The following GSDMC variants were observed in gnomAD, a reference collection of about 807,000 sequenced individuals.
GSDMC encodes the protein gasdermin C.
Under a neutral mutation model 58.0 loss-of-function variants are expected in GSDMC, and 59 were observed. The ratio of observed to expected loss-of-function variants is 1.02; its 90% CI spans 0.82 to 1.26. The LOEUF (loss-of-function observed/expected upper bound fraction) is 1.26. Among genes scored for constraint, GSDMC ranks in the 50% most tolerant of loss-of-function variants. The pLI is 0.00. For synonymous variants in GSDMC, 241 were observed against 220.2 expected (o/e 1.09, Z -0.83); for missense variants, 659 against 598.5 (o/e 1.10, Z -1.06).
At chr8:129,729,519 T>C in the GSDMC span, among the ~76,000 whole-genome samples, 1 of 152,134 alleles carries the variant, frequency 6.6e-6, no homozygotes, top group Admixed American at 6.5e-5. Flanking sequence ...GTCCAGGTGT[T>C]CTCATTGTTC....
At chr8:129,781,299 A>G (rs2034400180) in intron 1 of GSDMC, among the ~76,000 whole-genome samples, 2 of 152,216 alleles carry the variant, frequency 1.3e-5, no homozygotes, top group African/African-American at 4.8e-5. Flanking sequence ...CACTTCTCCT[A>G]TAAAGATAAA....
chr8:129,743,718 A>C (rs1293938273), downstream of GSDMC, among the ~76,000 whole-genome samples: 1 of 152,202 alleles, frequency 6.6e-6, no homozygotes, highest in Non-Finnish European at 1.5e-5. Context: ...GCAACTAGTT[A>C]TATGCAGATC....
At chr8:129,721,024 G>A in the GSDMC span, among the ~76,000 whole-genome samples, 9 of 152,130 alleles carry the variant, frequency 5.9e-5, no homozygotes, top group Non-Finnish European at 2.9e-5. Context: ...AAGAGTAATG[G>A]ATCCCAGGGG....
chr8:129,721,883 C>T, the GSDMC span, among the ~76,000 whole-genome samples: 1 of 152,158 alleles, frequency 6.6e-6, no homozygotes. Flanking sequence ...ATGTTTTCTC[C>T]TTGGCCAGAC....
At chr8:129,780,678 T>C (rs146084594) in intron 1 of GSDMC, among the ~76,000 whole-genome samples, 2 of 152,154 alleles carry the variant, frequency 1.3e-5, no homozygotes, top group Admixed American at 6.5e-5. Flanking sequence ...ATGATGTTAA[T>C]GAGCAAGAAG....
the GSDMC span, among the ~76,000 whole-genome samples, chr8:129,736,077 A>G: frequency 6.6e-6 from 1 of 152,078 alleles, no homozygotes; most frequent in Admixed American, 6.6e-5. Flanking sequence ...AAATTCCTGG[A>G]CACACACATG....
intron 10 of GSDMC, among the ~76,000 whole-genome samples, chr8:129,751,167 C>A (rs1005093963): frequency 7.9e-5 from 12 of 152,040 alleles, no homozygotes; most frequent in African/African-American, 2.9e-4. Flanking sequence ...TATAAGCTAC[C>A]CTTATTATCA....
At chr8:129,732,274 C>A in the GSDMC span, among the ~76,000 whole-genome samples, 572 of 145,732 alleles carry the variant, frequency 3.9e-3, 4 homozygotes, top group African/African-American at 0.014. Flanking sequence ...AAATATATTT[C>A]TGTTCTTTAT....
chr8:129,749,762 T>C (rs1343117043), intron 12 of GSDMC, among the ~76,000 whole-genome samples: 2 of 152,122 alleles, frequency 1.3e-5, no homozygotes, highest in Non-Finnish European at 2.9e-5. Context: ...CCACCTCCAA[T>C]GATTTGTGGA....
chr8:129,728,794 C>T, the GSDMC span: 1 of 535,794 alleles, frequency 1.9e-6, no homozygotes, highest in Non-Finnish European at 3.5e-6. Context: ...TCTGGTCCCA[C>T]AGGGGCCGTT....
In GSDMC at chr8:129,776,179, GGCCTCC is replaced by G; in HGVS notation, c.321_326del (p.Glu108_Ala109del). On this transcript the variant is annotated inframe_deletion, in exon 3 of 14. Transcript: ENST00000276708. The stretch of plus-strand genomic sequence containing the variant: ...CGAGGGAGCATCCATGGTCCACAGA[GGCCTCC>G]CCTGACACACTCACTTCTATACCAA... 6.2e-7 allele frequency: 1 copy of G among 1,613,838 alleles called. No homozygotes were observed. Among genetic ancestry groups the G allele is most frequent in the Admixed American group, 1.7e-5 (1 of 60,006 alleles).
Position 129,748,465 on chromosome 8 carries a change from C to T in GSDMC, c.*36G>A. On this transcript the variant is annotated 3_prime_UTR_variant, in exon 14 of 14. Transcript: ENST00000276708. ...ACTCACAGCATAGACTGGGCGAGGG[C>T]CAGCATCTCTGGACTGACTGCCCAT... is the stretch of plus-strand genomic sequence containing the variant. 1 of 1,564,336 alleles carries T rather than the reference C, an allele frequency of 6.4e-7. No homozygotes were observed. The highest frequency in any genetic ancestry group is 8.6e-7 in the Non-Finnish European group (1 of 1,157,648).
the GSDMC span, among the ~76,000 whole-genome samples, chr8:129,708,717 A>G: frequency 6.6e-6 from 1 of 152,264 alleles, no homozygotes; most frequent in South Asian, 2.1e-4. Flanking sequence ...ACTTTATTCA[A>G]GCCTTGCCAG....
chr8:129,750,690 A>C, intron 10 of GSDMC, 120 bp from the exon 11 acceptor site: 2 of 957,812 alleles, frequency 2.1e-6, no homozygotes, highest in Non-Finnish European at 3.2e-6. Context: ...TTCAGCTGCT[A>C]ACCAAAATTG....
rs780835315 is a variant in GSDMC, at chr8:129,748,483, C to A, written c.*18G>T. ...GCGAGGGCCAGCATCTCTGGACTGACTGCCCATCAGGGAGGGCTTAGGCCT... is the reference window on the plus strand; with the variant it reads ...GCGAGGGCCAGCATCTCTGGACTGAATGCCCATCAGGGAGGGCTTAGGCCT... On this transcript the variant is annotated 3_prime_UTR_variant, in exon 14 of 14. Transcript: ENST00000276708. The A allele has an allele frequency of 6.3e-7, 1 of 1,587,302 alleles. No homozygotes were observed. Among genetic ancestry groups the A allele is most frequent in the East Asian group, 2.2e-5 (1 of 44,536 alleles).
At chr8:129,782,993 A>T (rs1159959406) in intron 1 of GSDMC, among the ~76,000 whole-genome samples, 1 of 152,162 alleles carries the variant, frequency 6.6e-6, no homozygotes, top group Non-Finnish European at 1.5e-5. Flanking sequence ...ACAATACATT[A>T]AAAATATCAT....
the GSDMC span, among the ~76,000 whole-genome samples, chr8:129,740,774 T>C: frequency 2.0e-5 from 3 of 152,322 alleles, no homozygotes; most frequent in Non-Finnish European, 4.4e-5. Context: ...ATTGCAAATA[T>C]TTTCTCCTAA....
chr8:129,733,223 T>G, the GSDMC span, among the ~76,000 whole-genome samples: 1 of 128,218 alleles, frequency 7.8e-6, no homozygotes, highest in Non-Finnish European at 1.5e-5. Flanking sequence ...AGATTCCACC[T>G]CTGGGGGCAG....
chr8:129,748,966 C>A (rs964982732), intron 13 of GSDMC, among the ~76,000 whole-genome samples: 7 of 152,022 alleles, frequency 4.6e-5, no homozygotes, highest in African/African-American at 1.7e-4. Context: ...ATAAAACTCC[C>A]CTTGTAGAAT....
Sources: allele counts gnomAD v4.1 joint callset (sites outside exome capture counted in the v4.1 genomes callset), GRCh38; gene constraint gnomAD v4.1.1; transcripts MANE v1.5; gene names NCBI Gene and HGNC (gene_info 2026-07-23, HGNC 2026-07-21).